The following HHATL variants were observed in gnomAD, a reference collection of about 807,000 sequenced individuals.
HHATL encodes the protein hedgehog acyltransferase like, also known as protein-cysteine N-palmitoyltransferase HHAT-like protein.
Under a neutral mutation model 59.7 loss-of-function variants are expected in HHATL, and 49 were observed. The observed-to-expected ratio is 0.82, with a 90% CI of 0.65 to 1.04. HHATL has a LOEUF of 1.04. Among genes scored for constraint, HHATL ranks in the 50% least tolerant of loss-of-function variants. The pLI is 0.00. For synonymous variants in HHATL, 238 were observed against 257.3 expected, an observed-to-expected ratio of 0.93 and a Z score of 0.72; for missense variants, 605 against 650.8, an observed-to-expected ratio of 0.93 and a Z score of 0.77.
At chr3:42,700,136 C>CTG (rs370205414) in intron 2 of HHATL, among the ~76,000 whole-genome samples, 1 of 103,850 alleles carries the variant, frequency 9.6e-6, no homozygotes, top group African/African-American at 3.8e-5. Context: ...GTCTAGGTCT[C>CTG]TGTGTGTGTG....
chr3:42,698,600 T>C lies in HHATL; in HGVS notation c.483+108A>G. 3.0e-6 allele frequency: 4 copies of C among 1,334,516 alleles called. 1 individual carries two copies. The South Asian group carries it at 5.7e-5, about 19-fold the overall frequency. 82.7% of individuals were successfully genotyped at this position (1,334,516 alleles called of 1,614,324 possible). ...ACATACCCAAAGGCTTGAAGACAGG[T>C]GGAAAGTGAAGGGAATACTTGGGGA... On this transcript the variant is annotated intron_variant, in intron 5 of 11. Coordinates refer to ENST00000441594, the MANE Select transcript of HHATL (RefSeq NM_020707.4).
chr3:42,698,800 C>T lies in HHATL; in HGVS notation c.391G>A (p.Val131Met). 1 of 1,613,610 alleles carries T rather than the reference C, an allele frequency of 6.2e-7. No individual in the cohort carries two copies. Among genetic ancestry groups the T allele is most frequent in the South Asian group, 1.1e-5 (1 of 91,016 alleles). ...LLLGHCVGLY[V>M]ASLLGQPWLC... ...CAGGGCTGGCCCAAAAGCGAGGCCA[C>T]ATAGAGGCCCACACAGTGACCAAGC... Residue 131 changes from valine to methionine, a missense_variant, in exon 5 of 12, where the codon GTG (valine) becomes ATG (methionine). Transcript: ENST00000441594.
rs139982214 is a variant in HHATL, at chr3:42,698,203, T to G, written c.632A>C (p.Asn211Thr). The G allele has an allele frequency of 6.2e-7, 1 of 1,614,114 alleles. No individual in the cohort carries two copies. Among genetic ancestry groups the G allele is most frequent in the Non-Finnish European group, 8.5e-7 (1 of 1,180,006 alleles). The stretch of plus-strand genomic sequence containing the variant: ...GAAGAAGAAGAAGGGCAGGTAGAAG[T>G]TGTACTTGAGCAGGTCAGCTAAGGA... The part of the protein sequence containing the change: ...HYSLADLLKY[N>T]FYLPFFFFGP... Residue 211 changes from asparagine (N) to threonine (T), a missense_variant, in exon 6 of 12, where the codon AAC becomes ACC. Asn to Thr is a moderately conservative substitution (Grantham distance 65). Transcript: ENST00000441594.
At chr3:42,696,019 T>C (rs1437395287) in intron 9 of HHATL, among the ~76,000 whole-genome samples, 1 of 152,026 alleles carries the variant, frequency 6.6e-6, no homozygotes, top group Admixed American at 6.6e-5. Flanking sequence ...ATCACACACT[T>C]CTCTACTCCT....
intron 2 of HHATL, among the ~76,000 whole-genome samples, chr3:42,700,118 A>G (rs1006755047): frequency 0.011 from 285 of 25,750 alleles, no homozygotes; most frequent in African/African-American, 0.014. Flanking sequence ...GTGTGTGTGT[A>G]TGTCTGGGTC....
At chr3:42,693,289 C>T in intron 10 of HHATL, 71 bp from the exon 11 acceptor site, 1 of 1,569,106 alleles carries the variant, frequency 6.4e-7, no homozygotes, top group Non-Finnish European at 8.7e-7. Context: ...GGGTCAGCAG[C>T]CTTACCCACC....
In HHATL at chr3:42,698,723, G is replaced by T. The variant is rs146450009; in HGVS notation, c.468C>A (p.Pro156=). The T allele has an allele frequency of 3.8e-5, 60 of 1,577,992 alleles. No homozygotes were observed. In the African/African-American group the frequency reaches 8.2e-4, roughly 22 times the overall value. ...LASLASFKMD[P]LISWQSGFVT... ...CAGTTCACACCTGCCAAGAGATTAG[G>T]GGGTCCATCTTGAAGGAGGCCAGGC... Residue 156 remains proline, a synonymous_variant, in exon 5 of 12, where the codon CCC becomes CCA. Coordinates refer to ENST00000441594, the MANE Select transcript of HHATL (RefSeq NM_020707.4).
Position 42,693,776 on chromosome 3 carries a change from G to A in HHATL, c.1089C>T (p.Ile363=). 4 of 1,614,126 alleles carry A rather than the reference G, an allele frequency of 2.5e-6. No homozygotes were observed. The highest frequency in any genetic ancestry group is 3.4e-6 in the Non-Finnish European group (4 of 1,180,016). ...NHIGGEHSAV[I]PELAATVATF... ...TGGCCACTGTGGCTGCCAGCTCTGG[G>A]ATCACAGCGGAATGCTCCCCACCAA... The change falls in exon 10 of 12, where the codon ATC becomes ATT. Residue 363 remains isoleucine, a synonymous_variant. Coordinates refer to ENST00000441594, the MANE Select transcript of HHATL (RefSeq NM_020707.4).
At chr3:42,700,883 G>A in intron 1 of HHATL, 44 bp from the exon 2 acceptor site, 1 of 1,380,780 alleles carries the variant, frequency 7.2e-7, no homozygotes, top group African/African-American at 1.4e-5. Flanking sequence ...CTCCAGCCAA[G>A]CCTAGCCCCA....
intron 9 of HHATL, among the ~76,000 whole-genome samples, chr3:42,694,721 T>C (rs565359469): frequency 6.6e-6 from 1 of 152,276 alleles, no homozygotes; most frequent in South Asian, 2.1e-4. Flanking sequence ...TTGCCCTTGT[T>C]GTTCCCTCTA....
intron 9 of HHATL, among the ~76,000 whole-genome samples, chr3:42,696,485 C>T (rs1265861806): frequency 6.6e-6 from 1 of 152,162 alleles, no homozygotes; most frequent in Non-Finnish European, 1.5e-5. Context: ...TAGATTGCGA[C>T]TATACATTTC....
rs375997516 is a variant in HHATL, at chr3:42,699,163, A to C, written c.175-18T>G. On this transcript the variant is annotated intron_variant, in intron 3 of 11. Transcript: ENST00000441594. ...GCCACATCCTGGGGCAGTCCGGGGC[A>C]GAAGGAGGTGGGGCAGGTGAGGGTG... 1.3e-5 allele frequency: 20 copies of C among 1,597,186 alleles called. No individual in the cohort carries two copies. The highest frequency in any genetic ancestry group is 9.4e-5 in the African/African-American group (7 of 74,584).
Position 42,699,777 on chromosome 3 carries a change from T to C in HHATL, c.155A>G (p.Glu52Gly). The C allele has an allele frequency of 6.3e-7, 1 of 1,580,770 alleles. No individual in the cohort carries two copies. The highest frequency in any genetic ancestry group is 8.6e-7 in the Non-Finnish European group (1 of 1,162,702). ...AFRESVRPGW[E>G]YIGRKMDVAD... ...ACCTACCATCTTCCGGCCAATGTAC[T>C]CCCAGCCAGGTCGCACAGACTCCCG... The change falls in exon 3 of 12, where the codon GAG (glutamate) becomes GGG (glycine). Residue 52 changes from glutamate (E) to glycine (G), a missense_variant. By Grantham distance (98) the Glu-to-Gly change is moderately conservative (BLOSUM62 -2). Coordinates refer to ENST00000441594, the MANE Select transcript of HHATL (RefSeq NM_020707.4).
intron 5 of HHATL, 98 bp from the exon 6 acceptor site, chr3:42,698,449 G>T: frequency 1.7e-6 from 2 of 1,173,138 alleles, no homozygotes; most frequent in African/African-American, 1.5e-5. Context: ...GGCCCAGCCT[G>T]GTCCTGTCCC....
At chr3:42,700,863 G>T (rs1232446704) in intron 1 of HHATL, 24 bp from the exon 2 acceptor site, 2 of 1,519,466 alleles carry the variant, frequency 1.3e-6, no homozygotes, top group Non-Finnish European at 1.8e-6. Flanking sequence ...TTGGGTGAGG[G>T]AATTACAGTC....
rs1697852686 is a variant in HHATL at position 42,699,763 on chromosome 3, TC to T, written c.168del (p.Lys57ArgfsTer10). The T allele has an allele frequency of 1.9e-6, 3 of 1,579,238 alleles. No individual in the cohort carries two copies. Among genetic ancestry groups the T allele is most frequent in the African/African-American group, 1.3e-5 (1 of 74,088 alleles). ...SVRPGWEYIG[R>X]KMDVADFEWV... ...CTGGGATGTGGGGGACCTACCATCT[TC>T]CGGCCAATGTACTCCCAGCCAGGTC... is the stretch of plus-strand genomic sequence containing the variant. On this transcript the variant is annotated frameshift_variant, in exon 3 of 12. Transcript: ENST00000441594. LOFTEE classifies it high-confidence loss of function.
intron 9 of HHATL, among the ~76,000 whole-genome samples, chr3:42,696,405 TCC>T (rs1697611458): frequency 6.6e-6 from 1 of 152,086 alleles, no homozygotes; most frequent in Non-Finnish European, 1.5e-5. Context: ...GTTCCATCAG[TCC>T]TCTGGACCCT....
At position 42,693,007 on chromosome 3, in the gene HHATL, A is replaced by C; in HGVS notation, c.1390+70T>G. On this transcript the variant is annotated intron_variant, in intron 11 of 11. Coordinates refer to ENST00000441594, the MANE Select transcript of HHATL (RefSeq NM_020707.4). The stretch of plus-strand genomic sequence containing the variant: ...AGGGGTGATGAGGGAGATAGGAGGC[A>C]TTTTGGAAGGTCACGGTCCTTGAGG... 5 of 1,600,472 alleles carry C rather than the reference A, an allele frequency of 3.1e-6. No individual in the cohort carries two copies. In the South Asian group the frequency reaches 5.6e-5, roughly 18 times the overall value.
Position 42,693,624 on chromosome 3 carries a change from C to T in HHATL, c.1241G>A (p.Arg414Gln), listed in dbSNP as rs765197293. 3.1e-6 allele frequency: 5 copies of T among 1,613,770 alleles called. No homozygotes were observed. The highest frequency in any genetic ancestry group is 1.1e-5 in the South Asian group (1 of 91,038). ...CAGGTCTTCCCTGCTCACCTCAATT[C>T]GTGCTAGGGGCCCCCACTCTGCCAG... is the stretch of plus-strand genomic sequence containing the variant. The part of the protein sequence containing the change: ...QKLAEWGPLA[R>Q]IEASLSVQMS... Residue 414 changes from arginine (R) to glutamine (Q), a missense_variant, in exon 10 of 12, where the codon CGA becomes CAA. Arg to Gln is a conservative substitution (Grantham distance 43). Coordinates refer to ENST00000441594, the MANE Select transcript of HHATL (RefSeq NM_020707.4).
Sources: allele counts gnomAD v4.1 joint callset (sites outside exome capture counted in the v4.1 genomes callset), GRCh38; gene constraint gnomAD v4.1.1; transcripts MANE v1.5; gene names NCBI Gene and HGNC (gene_info 2026-07-23, HGNC 2026-07-21).